Variants in EXOC4 observed in about 807,000 individuals in gnomAD.
EXOC4 encodes SEC8-like 1.
Under a neutral mutation model 107.2 loss-of-function variants are expected in EXOC4, and 71 were observed. That is an observed-to-expected ratio of 0.66 (90% CI 0.55 to 0.81). The LOEUF (loss-of-function observed/expected upper bound fraction) is 0.81, where lower values mean the gene tolerates loss of function less well. Among genes scored for constraint, EXOC4 ranks in the 30% least tolerant of loss-of-function variants. The pLI is 0.00. For synonymous variants in EXOC4, 456 were observed against 441.2 expected (o/e 1.03, Z -0.42); for missense variants, 1,108 against 1,189.6 (o/e 0.93, Z 1.01).
intron 10 of EXOC4, among the ~76,000 whole-genome samples, chr7:133,715,471 T>G (rs1794980776): frequency 6.6e-6 from 1 of 152,002 alleles, no homozygotes; most frequent in Non-Finnish European, 1.5e-5. Context: ...CTTTCACATT[T>G]TCTAATGACT....
At chr7:133,812,135 G>A (rs1324591254) in intron 10 of EXOC4, among the ~76,000 whole-genome samples, 3 of 151,858 alleles carry the variant, frequency 2.0e-5, no homozygotes, top group African/African-American at 7.3e-5. Context: ...AAATAAGGGA[G>A]CAAAGTGAAA....
intron 9 of EXOC4, among the ~76,000 whole-genome samples, chr7:133,600,782 A>G (rs1202714525): frequency 2.0e-5 from 3 of 152,184 alleles, no homozygotes; most frequent in African/African-American, 7.2e-5. Context: ...CTATGTCTCT[A>G]ACCGGTGCAG....
chr7:134,024,097 G>A (rs958566504), intron 17 of EXOC4, among the ~76,000 whole-genome samples: 19 of 152,202 alleles, frequency 1.2e-4, no homozygotes, highest in African/African-American at 2.4e-4. Context: ...CACAGTATCA[G>A]TAGAGCTCCT....
chr7:133,775,074 T>C (rs1219554358), intron 10 of EXOC4, among the ~76,000 whole-genome samples: 1 of 152,164 alleles, frequency 6.6e-6, no homozygotes, highest in Non-Finnish European at 1.5e-5. Context: ...TATGGAGCTA[T>C]AATTATGGCA....
chr7:133,342,175 T>C (rs1027245707), intron 5 of EXOC4, among the ~76,000 whole-genome samples: 11 of 152,290 alleles, frequency 7.2e-5, no homozygotes, highest in Non-Finnish European at 1.5e-4. Flanking sequence ...TTTGTTGTAT[T>C]TTCAGTATTT....
chr7:133,348,881 T>G (rs111895218), intron 5 of EXOC4, among the ~76,000 whole-genome samples: 3 of 152,320 alleles, frequency 2.0e-5, no homozygotes, highest in African/African-American at 7.2e-5. Flanking sequence ...CCTGGTTTTA[T>G]TCCAAGTTTT....
At chr7:134,037,927 G>T (rs1333719819) in intron 17 of EXOC4, among the ~76,000 whole-genome samples, 1 of 152,128 alleles carries the variant, frequency 6.6e-6, no homozygotes, top group Admixed American at 6.5e-5. Context: ...ACCAACTCAG[G>T]TGTTCTCTGA....
At chr7:133,967,838 A>G (rs566414538) in intron 14 of EXOC4, among the ~76,000 whole-genome samples, 11 of 152,304 alleles carry the variant, frequency 7.2e-5, no homozygotes, top group Non-Finnish European at 1.0e-4. Context: ...GTAGATGTCT[A>G]TTAGGTCCAC....
intron 11 of EXOC4, among the ~76,000 whole-genome samples, chr7:133,852,296 C>G (rs1309092776): frequency 1.3e-5 from 2 of 150,088 alleles, no homozygotes; most frequent in African/African-American, 4.9e-5. Flanking sequence ...AATCTCTGCT[C>G]ACCTCAACCT....
At chr7:133,916,864 G>T (rs370108028) in intron 12 of EXOC4, among the ~76,000 whole-genome samples, 1 of 152,156 alleles carries the variant, frequency 6.6e-6, no homozygotes, top group Admixed American at 6.5e-5. Context: ...ATGTTGAACC[G>T]AAAGAAAAGC....
chr7:133,757,647 C>T (rs573157270), intron 10 of EXOC4, among the ~76,000 whole-genome samples: 3 of 152,350 alleles, frequency 2.0e-5, no homozygotes, highest in Non-Finnish European at 4.4e-5. Flanking sequence ...TCTTGCAATA[C>T]TGCAGGACTG....
chr7:133,639,973 C>G (rs922858720), intron 10 of EXOC4, among the ~76,000 whole-genome samples: 1 of 152,056 alleles, frequency 6.6e-6, no homozygotes, highest in Non-Finnish European at 1.5e-5. Flanking sequence ...TAATTGGACT[C>G]TGTAAATTCA....
At chr7:133,594,127 C>A (rs1344010744) in intron 9 of EXOC4, among the ~76,000 whole-genome samples, 1 of 152,110 alleles carries the variant, frequency 6.6e-6, no homozygotes, top group African/African-American at 2.4e-5. Context: ...ATCTTAGAAT[C>A]TAAGAATTGT....
chr7:133,787,749 G>T (rs1383214310), intron 10 of EXOC4, among the ~76,000 whole-genome samples: 2 of 150,944 alleles, frequency 1.3e-5, no homozygotes, highest in South Asian at 2.1e-4. Flanking sequence ...CCTGTTATGA[G>T]GGCTCCATCC....
At chr7:133,755,250 A>AT (rs1342566161) in intron 10 of EXOC4, among the ~76,000 whole-genome samples, 6 of 99,904 alleles carry the variant, frequency 6.0e-5, no homozygotes, top group African/African-American at 1.4e-4. Context: ...TATAATATAT[A>AT]TATTATATAT....
intron 10 of EXOC4, among the ~76,000 whole-genome samples, chr7:133,652,603 G>A (rs1314175891): frequency 6.6e-6 from 1 of 152,044 alleles, no homozygotes; most frequent in African/African-American, 2.4e-5. Context: ...GTGGGGAAGG[G>A]GCAAGAGGGA....
intron 15 of EXOC4, among the ~76,000 whole-genome samples, chr7:134,002,124 G>A (rs1585313293): frequency 6.6e-6 from 1 of 152,092 alleles, no homozygotes; most frequent in Non-Finnish European, 1.5e-5. Context: ...GCCATTACTG[G>A]TATTCTTATC....
At chr7:133,615,848 A>C (rs1162622571) in intron 9 of EXOC4, among the ~76,000 whole-genome samples, 1 of 152,222 alleles carries the variant, frequency 6.6e-6, no homozygotes, top group Non-Finnish European at 1.5e-5. Flanking sequence ...CAACATTTAA[A>C]AAGCAGAATC....
chr7:133,945,500 A>G (rs1388631509), intron 14 of EXOC4, among the ~76,000 whole-genome samples: 1 of 152,178 alleles, frequency 6.6e-6, no homozygotes, highest in African/African-American at 2.4e-5. Context: ...AGCCTTGCTT[A>G]GCAGTTGTTA....
Sources: allele counts gnomAD v4.1 joint callset (sites outside exome capture counted in the v4.1 genomes callset), GRCh38; gene constraint gnomAD v4.1.1; transcripts MANE v1.5; gene names NCBI Gene and HGNC (gene_info 2026-07-23, HGNC 2026-07-21).